SATL1: variants seen among roughly 807,000 people sequenced by gnomAD.
The protein encoded by SATL1 is spermidine/spermine N(1)-acetyltransferase-like protein 1.
SATL1 carries 47 observed loss-of-function variants against 51.8 expected under a neutral mutation model. The observed-to-expected ratio is 0.91, with a 90% confidence interval of 0.72 to 1.16. The LOEUF is 1.16. Ranked by LOEUF, SATL1 falls within the 50% of genes most tolerant of loss-of-function variation. SATL1 has a pLI of 0.00. For missense variants in SATL1, 520 were observed against 526.4 expected, an observed-to-expected ratio of 0.99 and a Z score of 0.12; for synonymous variants, 176 against 182.4, an observed-to-expected ratio of 0.97 and a Z score of 0.28.
At position 85,112,585 on chromosome X, in the gene SATL1, C is replaced by T. The variant is rs145999538; in HGVS notation, c.-312-3305G>A. ...AGGGGCTGCATGTGCAGTGTGTTTACTGGAGTTGTATGCATGCTCACTTGA... is the reference window on the plus strand; with the variant it reads ...AGGGGCTGCATGTGCAGTGTGTTTATTGGAGTTGTATGCATGCTCACTTGA... On this transcript the variant is annotated intron_variant, in intron 2 of 7. Coordinates refer to ENST00000644105, the MANE Select transcript of SATL1 (RefSeq NM_001367857.2). 9.5e-3 allele frequency among the ~76,000 whole-genome samples: 1,057 copies of T among 111,395 alleles called. 14 individuals carry two copies. Among genetic ancestry groups the T allele is most frequent in the African/African-American group, 0.033 (1,007 of 30,661 alleles).
rs145578761 is a variant in SATL1 at position 85,153,855 on chromosome X, C to T, written c.-312-44575G>A. 3.0e-4 allele frequency: 33 copies of T among 111,267 alleles called. 1 individual carries two copies. Among genetic ancestry groups the T allele is most frequent in the Non-Finnish European group, 5.3e-4 (28 of 53,013 alleles). 9.2% of individuals were successfully genotyped at this position (111,267 alleles called of 1,213,427 possible). On this transcript the variant is annotated intron_variant, in intron 2 of 7. Transcript: ENST00000644105. ...CGATTGGCTTTAATAGTTGGTGTAA[C>T]AATCCAGACTATGTACTGCTGTAAA...
At chrX:85,150,189 C>T (rs985193882) in intron 2 of SATL1, among the ~76,000 whole-genome samples, 1 of 111,830 alleles carries the variant, frequency 8.9e-6, no homozygotes, top group African/African-American at 3.2e-5. Flanking sequence ...AAAAACACCT[C>T]TATGCAAATA....
At position 85,107,946 on chromosome X, in the gene SATL1, C is replaced by T; in HGVS notation, c.1023G>A (p.Leu341=). The change falls in exon 3 of 8, where the codon CTG becomes CTA. Residue 341 remains leucine (L), a synonymous_variant. Transcript: ENST00000644105. ...CTGGTTGGCTTATGCTTGCTTCACT[C>T]AGGACTAGTTCGCTCAGGCTTTGTG... ...MWPQSLSELV[L]SEASISQPGP... 1 of 1,211,343 alleles carries T rather than the reference C, an allele frequency of 8.3e-7. No individual in the cohort carries two copies. Among genetic ancestry groups the T allele is most frequent in the Non-Finnish European group, 1.1e-6 (1 of 895,437 alleles).
intron 2 of SATL1, chrX:85,211,202 C>G (rs193066586): frequency 8.9e-6 from 1 of 111,873 alleles, no homozygotes. Flanking sequence ...ATCAATCAAT[C>G]AAAATGATCA....
chrX:85,199,503 C>G (rs181239485), intron 2 of SATL1, among the ~76,000 whole-genome samples: 1 of 111,751 alleles, frequency 8.9e-6, no homozygotes, highest in African/African-American at 3.3e-5. Context: ...GCAGTGTTTA[C>G]AGTAGCCAAG....
chrX:85,104,999 C>T (rs1925002092), intron 3 of SATL1, among the ~76,000 whole-genome samples: 1 of 111,013 alleles, frequency 9.0e-6, no homozygotes, highest in Non-Finnish European at 1.9e-5. Context: ...TCTATCTTTC[C>T]ACTAGTTACC....
rs374764586 is a variant in SATL1 at position 85,107,909 on chromosome X, G to C, written c.1060C>G (p.Arg354Gly). 8.3e-7 allele frequency: 1 copy of C among 1,210,757 alleles called. No individual in the cohort carries two copies. The change falls in exon 3 of 8, where the codon CGA (arginine) becomes GGA (glycine). Residue 354 changes from arginine (R) to glycine (G), a missense_variant. By Grantham distance (125) the Arg-to-Gly change is moderately radical (BLOSUM62 -2). Coordinates refer to ENST00000644105, the MANE Select transcript of SATL1 (RefSeq NM_001367857.2). The part of the protein sequence containing the change: ...ASISQPGPPQ[R>G]APSQSGPRQS... ...CTGGGGCCTGATTGGCTTGGGGCTC[G>C]TTGCGGTGGACCTGGTTGGCTTATG...
At chrX:85,242,900 A>G (rs767182772) in intron 1 of SATL1, among the ~76,000 whole-genome samples, 2 of 112,143 alleles carry the variant, frequency 1.8e-5, no homozygotes, top group South Asian at 7.4e-4. Context: ...ATGGCAGAGC[A>G]GAGTAGTTGT....
At chrX:85,212,623 A>G (rs1288097610) in intron 2 of SATL1, 1 of 111,513 alleles carries the variant, frequency 9.0e-6, no homozygotes, top group Admixed American at 9.6e-5. Flanking sequence ...GTAACACTTT[A>G]TGATTGAGTT....
At chrX:85,210,340 C>T (rs1927887000) in intron 2 of SATL1, 1 of 103,277 alleles carries the variant, frequency 9.7e-6, no homozygotes, top group African/African-American at 3.6e-5. Context: ...TCTATATCTA[C>T]CTAGTTGGAT....
intron 2 of SATL1, among the ~76,000 whole-genome samples, chrX:85,200,703 C>T (rs1425237471): frequency 9.0e-6 from 1 of 111,248 alleles, no homozygotes; most frequent in Non-Finnish European, 1.9e-5. Flanking sequence ...AGAGGTGATA[C>T]ATGTATAGTA....
intron 2 of SATL1, among the ~76,000 whole-genome samples, chrX:85,135,734 T>C: frequency 1.1e-5 from 1 of 91,889 alleles, no homozygotes; most frequent in Middle Eastern, 5.0e-3. Flanking sequence ...CTCACCACCG[T>C]GCTCGAGTAA....
At chrX:85,149,137 G>C (rs951911743) in intron 2 of SATL1, among the ~76,000 whole-genome samples, 7 of 110,572 alleles carry the variant, frequency 6.3e-5, no homozygotes, top group African/African-American at 2.3e-4. Context: ...CAAGCAAATG[G>C]AAAACAAAAA....
At position 85,107,958 on chromosome X, in the gene SATL1, G is replaced by A. The variant is rs770683155; in HGVS notation, c.1011C>T (p.Ser337=). The part of the protein sequence containing the change: ...SQPGMWPQSL[S]ELVLSEASIS... ...TGCTTGCTTCACTCAGGACTAGTTC[G>A]CTCAGGCTTTGTGGCCACATGCCTG... Residue 337 remains serine, a synonymous_variant, in exon 3 of 8, where the codon AGC becomes AGT. Coordinates refer to ENST00000644105, the MANE Select transcript of SATL1 (RefSeq NM_001367857.2). 1.5e-5 allele frequency: 18 copies of A among 1,207,543 alleles called. No homozygotes were observed. Among genetic ancestry groups the A allele is most frequent in the South Asian group, 1.2e-4 (7 of 56,621 alleles).
intron 2 of SATL1, among the ~76,000 whole-genome samples, chrX:85,116,710 C>T (rs186245994): frequency 2.2e-4 from 24 of 111,041 alleles, no homozygotes; most frequent in African/African-American, 7.2e-4. Flanking sequence ...ACCTGATGGT[C>T]GCCTGACATT....
At chrX:85,118,165 G>C (rs1456336062) in intron 2 of SATL1, among the ~76,000 whole-genome samples, 1 of 99,404 alleles carries the variant, frequency 1.0e-5, no homozygotes, top group Non-Finnish European at 2.0e-5. Context: ...CAGAGCTCTT[G>C]GCATGAGGAG....
intron 2 of SATL1, among the ~76,000 whole-genome samples, chrX:85,206,069 T>C (rs867816795): frequency 8.1e-5 from 9 of 111,656 alleles, no homozygotes; most frequent in Admixed American, 1.9e-4. Context: ...GGTTTGAGGC[T>C]GGTGGTGAGA....
At chrX:85,115,340 G>C (rs1925359039) in intron 2 of SATL1, among the ~76,000 whole-genome samples, 1 of 112,601 alleles carries the variant, frequency 8.9e-6, no homozygotes, top group Admixed American at 9.4e-5. Context: ...CAGACAAACT[G>C]CTTCAAAAGC....
In SATL1 at chrX:85,201,379, T is replaced by C. The variant is rs1332135599; in HGVS notation, c.-313+22826A>G. 2.7e-5 allele frequency among the ~76,000 whole-genome samples: 3 copies of C among 111,564 alleles called. No individual in the cohort carries two copies. In the Admixed American group the frequency reaches 2.9e-4, roughly 11 times the overall value. The stretch of plus-strand genomic sequence containing the variant: ...GGCTTTTAAGGCCCAATTTTAAGAT[T>C]GTATCGTGTGCCACTGTATACCCTG... On this transcript the variant is annotated intron_variant, in intron 2 of 7. Coordinates refer to ENST00000644105, the MANE Select transcript of SATL1 (RefSeq NM_001367857.2).
Sources: gnomAD v4.1 joint callset for allele counts (sites outside exome capture counted in the v4.1 genomes callset) on GRCh38, gnomAD v4.1.1 for gene constraint, MANE v1.5 for transcripts, NCBI Gene and HGNC (gene_info 2026-07-23, HGNC 2026-07-21) for gene names.